The following HS6ST3 variants were observed in gnomAD, a reference collection of about 807,000 sequenced individuals.
HS6ST3 encodes heparan sulfate 6-O-sulfotransferase 3.
HS6ST3 carries 12 observed loss-of-function variants against 36.7 expected under a neutral mutation model. The ratio of observed to expected loss-of-function variants is 0.33; its 90% CI spans 0.21 to 0.53. The LOEUF is 0.53. Ranked by LOEUF, HS6ST3 falls within the 20% of genes least tolerant of loss-of-function variation. The probability of loss-of-function intolerance (pLI) is 0.95; values close to 1 mark genes in which losing one functional copy is unlikely to be tolerated. For missense variants in HS6ST3, 584 were observed against 640.9 expected (o/e 0.91, Z 0.96); for synonymous variants, 240 against 257.5 (o/e 0.93, Z 0.65).
chr13:96,778,416 A>G (rs1877445083), intron 1 of HS6ST3, among the ~76,000 whole-genome samples: 1 of 152,216 alleles, frequency 6.6e-6, no homozygotes, highest in Non-Finnish European at 1.5e-5. Flanking sequence ...AATTTTTGCA[A>G]TCTATCCACC....
At chr13:96,799,980 A>ATATATATATATGTG (rs1555325253) in intron 1 of HS6ST3, among the ~76,000 whole-genome samples, 5 of 76,622 alleles carry the variant, frequency 6.5e-5, no homozygotes, top group African/African-American at 2.9e-4. Context: ...ATATATATAT[A>ATATATATATATGTG]TGTATATATA....
At chr13:96,343,009 G>T (rs1409073099) in intron 1 of HS6ST3, among the ~76,000 whole-genome samples, 1 of 152,166 alleles carries the variant, frequency 6.6e-6, no homozygotes, top group Non-Finnish European at 1.5e-5. Context: ...AAGGGTCTTG[G>T]CATAACAGCC....
intron 1 of HS6ST3, among the ~76,000 whole-genome samples, chr13:96,399,316 C>A (rs571081615): frequency 1.3e-5 from 2 of 152,084 alleles, no homozygotes; most frequent in South Asian, 2.1e-4. Flanking sequence ...TAAAACAGAC[C>A]CTTTTAGACT....
chr13:96,287,735 A>G (rs768842578), intron 1 of HS6ST3, among the ~76,000 whole-genome samples: 8 of 152,150 alleles, frequency 5.3e-5, no homozygotes, highest in Non-Finnish European at 7.4e-5. Context: ...TGGGTGTTGT[A>G]TTAGTCTTCC....
intron 1 of HS6ST3, among the ~76,000 whole-genome samples, chr13:96,428,912 A>G (rs1339455535): frequency 6.6e-6 from 1 of 152,230 alleles, no homozygotes; most frequent in African/African-American, 2.4e-5. Flanking sequence ...AGTAAATAGA[A>G]TATGGTGGAA....
intron 1 of HS6ST3, among the ~76,000 whole-genome samples, chr13:96,555,809 T>TAAA (rs10644683): frequency 6.1e-5 from 9 of 147,278 alleles, no homozygotes; most frequent in African/African-American, 2.0e-4. Flanking sequence ...AGATGGTTCT[T>TAAA]AAAAAAAAAA....
intron 1 of HS6ST3, among the ~76,000 whole-genome samples, chr13:96,740,250 G>T (rs1191828191): frequency 1.3e-5 from 2 of 152,078 alleles, no homozygotes; most frequent in Admixed American, 1.3e-4. Flanking sequence ...GACACATATA[G>T]AGTGCTCAGT....
chr13:96,560,715 C>T (rs983500694), intron 1 of HS6ST3, among the ~76,000 whole-genome samples: 1 of 152,114 alleles, frequency 6.6e-6, no homozygotes, highest in Non-Finnish European at 1.5e-5. Flanking sequence ...TAATCAGTAG[C>T]ATTTCTATAC....
In HS6ST3 at chr13:96,184,137, G is replaced by A. The variant is rs186413111; in HGVS notation, c.707+92568G>A. Among the ~76,000 whole-genome samples, 58 of 148,668 alleles carry A rather than the reference G, an allele frequency of 3.9e-4. 1 individual carries two copies. The highest frequency in any genetic ancestry group is 3.5e-3 in the Middle Eastern group (1 of 288). On this transcript the variant is annotated intron_variant, in intron 1 of 1. Transcript: ENST00000376705. ...AATCGTTTGAACCTGGCAGGGGGAG[G>A]TTGCAATGAGCCAAGATCGCACCAC...
rs2055275047 is a variant in HS6ST3, at chr13:96,368,571, C to T, written c.707+277002C>T. Among the ~76,000 whole-genome samples, 3 of 151,726 alleles carry T rather than the reference C, an allele frequency of 2.0e-5. No homozygotes were observed. In the South Asian group the frequency reaches 6.3e-4, roughly 32 times the overall value. Reference sequence around the variant, plus strand: ...ATTACATGGTATAATTCAGTATCTACAGCATAATTCTTCATTTTAACAGAA... The same window carrying T: ...ATTACATGGTATAATTCAGTATCTATAGCATAATTCTTCATTTTAACAGAA... On this transcript the variant is annotated intron_variant, in intron 1 of 1. Coordinates refer to ENST00000376705, the MANE Select transcript of HS6ST3 (RefSeq NM_153456.4).
At chr13:96,254,793 T>C (rs2054629140) in intron 1 of HS6ST3, among the ~76,000 whole-genome samples, 1 of 152,040 alleles carries the variant, frequency 6.6e-6, no homozygotes, top group African/African-American at 2.4e-5. Flanking sequence ...GTAGCCTTTT[T>C]GCCTAAAAGG....
intron 1 of HS6ST3, among the ~76,000 whole-genome samples, chr13:96,434,603 T>C (rs1436581468): frequency 2.6e-5 from 4 of 152,118 alleles, no homozygotes; most frequent in African/African-American, 9.7e-5. Flanking sequence ...TTCTTGGTGC[T>C]GGTGCCCTGG....
chr13:96,819,401 A>G (rs1348583502), intron 1 of HS6ST3, among the ~76,000 whole-genome samples: 2 of 152,220 alleles, frequency 1.3e-5, no homozygotes, highest in Admixed American at 1.3e-4. Flanking sequence ...GCATATCCAT[A>G]TTCTGGCATT....
At chr13:96,139,812 A>T (rs1385335685) in intron 1 of HS6ST3, among the ~76,000 whole-genome samples, 1 of 152,106 alleles carries the variant, frequency 6.6e-6, no homozygotes, top group Non-Finnish European at 1.5e-5. Context: ...ATTTTTAAAA[A>T]GCAAAGAGTG....
At chr13:96,682,329 C>A (rs891735840) in intron 1 of HS6ST3, among the ~76,000 whole-genome samples, 1 of 152,094 alleles carries the variant, frequency 6.6e-6, no homozygotes, top group African/African-American at 2.4e-5. Flanking sequence ...TTTCTTTTCT[C>A]TTTATATTCA....
intron 1 of HS6ST3, among the ~76,000 whole-genome samples, chr13:96,555,904 A>G (rs184348457): frequency 1.3e-5 from 2 of 152,344 alleles, no homozygotes; most frequent in Non-Finnish European, 1.5e-5. Flanking sequence ...GCAGATGTCA[A>G]TGACAGTAAA....
rs536497736 is a variant in HS6ST3, at chr13:96,442,779, A to G, written c.707+351210A>G. ...TATGATAAAAAGTACAATTGGAAGT[A>G]AAAAAAAAAAAAAAAGTCTGAGAAC... On this transcript the variant is annotated intron_variant, in intron 1 of 1. Transcript: ENST00000376705. Among the ~76,000 whole-genome samples the G allele has an allele frequency of 2.4e-4, 8 of 33,380 alleles. No homozygotes were observed. In the South Asian group the frequency reaches 0.01, roughly 43 times the overall value. The allele number at this position is 33,380 out of a possible 152,430, so 21.9% of individuals were successfully genotyped here. A position where few individuals can be genotyped will look rare whatever the true frequency, so the allele number is the denominator to read the frequency against.
intron 1 of HS6ST3, among the ~76,000 whole-genome samples, chr13:96,111,015 A>G (rs2053865890): frequency 6.6e-6 from 1 of 152,152 alleles, no homozygotes; most frequent in African/African-American, 2.4e-5. Context: ...TAGTATAAAG[A>G]TATACCATAG....
intron 1 of HS6ST3, among the ~76,000 whole-genome samples, chr13:96,423,909 A>G (rs2055573728): frequency 6.6e-6 from 1 of 152,178 alleles, no homozygotes; most frequent in Admixed American, 6.5e-5. Context: ...AACTTGTTTC[A>G]TTCCCCAAAC....
Sources: allele counts gnomAD v4.1 joint callset (sites outside exome capture counted in the v4.1 genomes callset), GRCh38; gene constraint gnomAD v4.1.1; transcripts MANE v1.5; gene names NCBI Gene and HGNC (gene_info 2026-07-23, HGNC 2026-07-21).